The following FRAS1 variants were observed in gnomAD, a reference collection of about 807,000 sequenced individuals.
The protein encoded by FRAS1 is extracellular matrix organizing protein FRAS1.
In FRAS1, 290 loss-of-function variants were observed where a neutral mutation model predicts 435.2. The observed-to-expected ratio is 0.67, with a 90% CI of 0.61 to 0.73. The LOEUF is 0.73. FRAS1 is among the 30% of genes least tolerant of loss of function. The probability of loss-of-function intolerance (pLI) is 0.00; values close to 1 mark genes in which losing one functional copy is unlikely to be tolerated. For missense variants in FRAS1, 4,860 were observed against 5,001.5 expected (o/e 0.97, Z 0.85); for synonymous variants, 1,800 against 1,851.0 (o/e 0.97, Z 0.71).
At chr4:78,112,423 G>A (rs1042314040) in intron 2 of FRAS1, among the ~76,000 whole-genome samples, 4 of 151,904 alleles carry the variant, frequency 2.6e-5, no homozygotes, top group Non-Finnish European at 2.9e-5. Context: ...TTTTTATCTT[G>A]GTAGTTTGTG....
chr4:78,310,403 A>G (rs1728968620), intron 15 of FRAS1, among the ~76,000 whole-genome samples: 1 of 152,202 alleles, frequency 6.6e-6, no homozygotes, highest in African/African-American at 2.4e-5. Context: ...GTGTATTTAA[A>G]AAGAGGAATA....
At chr4:78,173,165 T>C (rs931887266) in intron 2 of FRAS1, among the ~76,000 whole-genome samples, 3 of 152,212 alleles carry the variant, frequency 2.0e-5, no homozygotes, top group Non-Finnish European at 4.4e-5. Flanking sequence ...TGATGTATCC[T>C]TTAGTCTTCC....
At position 78,411,085 on chromosome 4, in the gene FRAS1, A is replaced by T. The variant is rs545441799; in HGVS notation, c.4309-1884A>T. Among the ~76,000 whole-genome samples the T allele has an allele frequency of 2.0e-5, 3 of 151,644 alleles. No individual in the cohort carries two copies. The South Asian group carries it at 6.3e-4, about 32-fold the overall frequency. On this transcript the variant is annotated intron_variant, in intron 31 of 73. Coordinates refer to ENST00000512123, the MANE Select transcript of FRAS1 (RefSeq NM_025074.7). Reference sequence around the variant, plus strand: ...TTCTTTTTTTTCTTTAAAGCAGGAAATGCAGTATAATGAGTTGCATGGATT... The same window carrying T: ...TTCTTTTTTTTCTTTAAAGCAGGAATTGCAGTATAATGAGTTGCATGGATT...
At chr4:78,122,128 GC>G (rs1015388231) in intron 2 of FRAS1, among the ~76,000 whole-genome samples, 5 of 151,676 alleles carry the variant, frequency 3.3e-5, no homozygotes, top group Non-Finnish European at 4.4e-5. Context: ...CTATCCCCTA[GC>G]CCCCCATCCC....
intron 29 of FRAS1, among the ~76,000 whole-genome samples, chr4:78,395,955 T>A (rs1299763936): frequency 1.3e-5 from 2 of 152,088 alleles, no homozygotes; most frequent in Non-Finnish European, 2.9e-5. Flanking sequence ...TTTGCCTTTG[T>A]GATTTGATGA....
At chr4:78,186,039 TGCTGTGTGTAAGACATATA>T (rs1324113663) in intron 2 of FRAS1, among the ~76,000 whole-genome samples, 1 of 152,190 alleles carries the variant, frequency 6.6e-6, no homozygotes, top group East Asian at 1.9e-4. Context: ...ATGGGAAAAG[TGCTGTGTGTAAGACATATA>T]GCTGTTTGGT....
At chr4:78,158,296 C>A (rs763579589) in intron 2 of FRAS1, among the ~76,000 whole-genome samples, 8 of 152,078 alleles carry the variant, frequency 5.3e-5, no homozygotes, top group Non-Finnish European at 1.0e-4. Flanking sequence ...GATTTTGATT[C>A]TTCTAATCCA....
chr4:78,489,440 G>T (rs1366530889), intron 59 of FRAS1, among the ~76,000 whole-genome samples: 1 of 152,118 alleles, frequency 6.6e-6, no homozygotes, highest in Non-Finnish European at 1.5e-5. Flanking sequence ...CATCATAAAG[G>T]TCTTCATCCT....
chr4:78,059,676 C>T (rs897096085), intron 1 of FRAS1, among the ~76,000 whole-genome samples: 11 of 152,102 alleles, frequency 7.2e-5, no homozygotes, highest in African/African-American at 2.7e-4. Context: ...CGTGCTATCA[C>T]TCCCGGATAG....
At chr4:78,417,788 C>G (rs1032049630) in intron 32 of FRAS1, among the ~76,000 whole-genome samples, 2 of 152,150 alleles carry the variant, frequency 1.3e-5, no homozygotes, top group African/African-American at 2.4e-5. Context: ...TGCTTAATCC[C>G]TTTCTAAATG....
chr4:78,384,261 T>G (rs1732134161), intron 28 of FRAS1, 118 bp downstream of exon 28: 2 of 778,700 alleles, frequency 2.6e-6, no homozygotes, highest in Non-Finnish European at 4.1e-6. Context: ...TAGTCTTGGT[T>G]TCCTCTTGAG....
chr4:78,420,324 A>G (rs566994722), intron 33 of FRAS1, among the ~76,000 whole-genome samples: 1 of 152,330 alleles, frequency 6.6e-6, no homozygotes, highest in Admixed American at 6.5e-5. Context: ...TTCTCCCTAC[A>G]TTGCCAGAGT....
intron 2 of FRAS1, chr4:78,068,663 T>C (rs1052918993): frequency 4.4e-6 from 2 of 453,528 alleles, no homozygotes; most frequent in Non-Finnish European, 8.9e-6. Flanking sequence ...GAAACTATAT[T>C]AAATACTTTA....
chr4:78,294,283 G>T (rs532714008), intron 14 of FRAS1, among the ~76,000 whole-genome samples: 47 of 152,236 alleles, frequency 3.1e-4, no homozygotes, highest in African/African-American at 1.0e-3. Flanking sequence ...TTGCGGTCCC[G>T]CCTTTGGCTC....
At chr4:78,171,838 A>G (rs1026271540) in intron 2 of FRAS1, among the ~76,000 whole-genome samples, 1 of 151,760 alleles carries the variant, frequency 6.6e-6, no homozygotes, top group Non-Finnish European at 1.5e-5. Context: ...CCTGTTTCCT[A>G]TCCACTTCAA....
Position 78,125,904 on chromosome 4 carries a change from C to T in FRAS1, c.108+59888C>T, listed in dbSNP as rs375029168. Among the ~76,000 whole-genome samples, 63 of 152,258 alleles carry T rather than the reference C, an allele frequency of 4.1e-4. 2 individuals are homozygous for T. Among genetic ancestry groups the T allele is most frequent in the African/African-American group, 1.4e-3 (58 of 41,544 alleles). ...AATGCCATGCTGGGAGAACCACTGC[C>T]GTCTTCAGAGCTGTCAGGCAGGGAC... On this transcript the variant is annotated intron_variant, in intron 2 of 73. Transcript: ENST00000512123.
intron 26 of FRAS1, among the ~76,000 whole-genome samples, chr4:78,377,129 A>G (rs1731797437): frequency 1.3e-5 from 2 of 152,210 alleles, no homozygotes; most frequent in Admixed American, 1.3e-4. Context: ...CAAAACCTTT[A>G]TGGTGAGTAA....
At chr4:78,479,142 AT>A (rs1719936740) in intron 55 of FRAS1, among the ~76,000 whole-genome samples, 1 of 152,244 alleles carries the variant, frequency 6.6e-6, no homozygotes, top group South Asian at 2.1e-4. Flanking sequence ...AATTCACAGA[AT>A]AGGAAATCCA....
At chr4:78,522,557 A>G (rs991220118) in intron 68 of FRAS1, 92 bp from the exon 69 acceptor site, 9 of 1,087,346 alleles carry the variant, frequency 8.3e-6, no homozygotes, top group Non-Finnish European at 1.2e-5. Context: ...ACATTAATTC[A>G]GTTCTCAGGC....
Sources: gnomAD v4.1 joint callset for allele counts (sites outside exome capture counted in the v4.1 genomes callset) on GRCh38, gnomAD v4.1.1 for gene constraint, MANE v1.5 for transcripts, NCBI Gene and HGNC (gene_info 2026-07-23, HGNC 2026-07-21) for gene names.